The following RIMS2 variants were observed in gnomAD, a reference collection of about 807,000 sequenced individuals.
RIMS2 encodes regulating synaptic membrane exocytosis 2, also known as regulating synaptic membrane exocytosis protein 2.
In RIMS2, 59 loss-of-function variants were observed where a neutral mutation model predicts 174.4. The observed-to-expected ratio is 0.34, with a 90% CI of 0.27 to 0.42. The LOEUF is 0.42. Ranked by LOEUF, RIMS2 falls within the 10% of genes least tolerant of loss-of-function variation. RIMS2 has a pLI of 1.00. For missense variants in RIMS2, 1,620 were observed against 1,666.3 expected (o/e 0.97, Z 0.48); for synonymous variants, 606 against 572.5 (o/e 1.06, Z -0.84).
At chr8:103,931,501 T>C (rs2079927901) in intron 12 of RIMS2, 108 bp downstream of exon 14, 1 of 708,788 alleles carries the variant, frequency 1.4e-6, no homozygotes, top group South Asian at 2.4e-5. Context: ...TAGTGAGATA[T>C]GTGAAGTTTA....
chr8:103,891,352 G>A (rs1268017041), intron 4 of RIMS2, among the ~76,000 whole-genome samples: 1 of 152,018 alleles, frequency 6.6e-6, no homozygotes, highest in Non-Finnish European at 1.5e-5. Context: ...TGATGCTCGT[G>A]TTTCACGTTT....
At chr8:103,705,847 T>A (rs532010257) in intron 2 of RIMS2, among the ~76,000 whole-genome samples, 139 of 151,692 alleles carry the variant, frequency 9.2e-4, no homozygotes, top group African/African-American at 3.1e-3. Context: ...TTTTTTTTTT[T>A]AAATTCATTT....
chr8:103,776,961 TTACTA>T (rs367982566), intron 3 of RIMS2, among the ~76,000 whole-genome samples: 17 of 152,122 alleles, frequency 1.1e-4, no homozygotes, highest in African/African-American at 3.9e-4. Context: ...CAGAAGAACT[TTACTA>T]TATTAGTAAG....
chr8:103,916,302 G>T, intron 7 of RIMS2, 112 bp from the exon 11 acceptor site: 1 of 717,806 alleles, frequency 1.4e-6, no homozygotes, highest in Non-Finnish European at 2.3e-6. Flanking sequence ...GTTTCGTATT[G>T]TATAATGGTT....
chr8:104,068,517 A>G, intron 19 of RIMS2: 2 of 1,453,458 alleles, frequency 1.4e-6, no homozygotes, highest in Non-Finnish European at 9.4e-7. Flanking sequence ...GATAGGTACT[A>G]TGGATATAGA....
chr8:103,784,134 AT>A (rs1301856029), intron 3 of RIMS2, among the ~76,000 whole-genome samples: 2 of 147,634 alleles, frequency 1.4e-5, no homozygotes, highest in African/African-American at 5.0e-5. Flanking sequence ...TTTCTTGTAA[AT>A]TTGTTTGAGT....
intron 19 of RIMS2, among the ~76,000 whole-genome samples, chr8:104,132,370 A>G (rs970246600): frequency 3.3e-5 from 5 of 152,192 alleles, no homozygotes; most frequent in African/African-American, 1.2e-4. Flanking sequence ...AGAAAAATCA[A>G]TATCATATGT....
intron 19 of RIMS2, among the ~76,000 whole-genome samples, chr8:104,180,000 A>G (rs930268452): frequency 6.6e-6 from 1 of 151,792 alleles, no homozygotes; most frequent in Non-Finnish European, 1.5e-5. Flanking sequence ...TCACTTAAAA[A>G]TATAATTTAG....
intron 3 of RIMS2, among the ~76,000 whole-genome samples, chr8:103,848,332 T>C (rs913486860): frequency 2.0e-5 from 3 of 151,984 alleles, no homozygotes; most frequent in African/African-American, 7.2e-5. Flanking sequence ...AGCTTGGCCT[T>C]TTTCTTTTTT....
intron 19 of RIMS2, among the ~76,000 whole-genome samples, chr8:104,040,368 T>C (rs1267353083): frequency 6.6e-6 from 1 of 151,698 alleles, no homozygotes; most frequent in African/African-American, 2.4e-5. Flanking sequence ...TCAATCATAC[T>C]AGTACACTAA....
At chr8:103,964,375 G>C (rs757476469) in intron 15 of RIMS2, among the ~76,000 whole-genome samples, 1 of 152,120 alleles carries the variant, frequency 6.6e-6, no homozygotes, top group Non-Finnish European at 1.5e-5. Context: ...GTGTATAGTG[G>C]TATCTTGTTG....
intron 19 of RIMS2, chr8:104,148,767 C>T (rs376427500): frequency 6.4e-5 from 103 of 1,598,250 alleles, no homozygotes; most frequent in Non-Finnish European, 7.7e-5. Context: ...CAAAAAGCGG[C>T]GCTCTAGCCT....
intron 2 of RIMS2, among the ~76,000 whole-genome samples, chr8:103,727,688 G>A (rs538322543): frequency 6.6e-6 from 1 of 152,184 alleles, no homozygotes; most frequent in South Asian, 2.1e-4. Flanking sequence ...CATTTATTGA[G>A]GAGACTGACA....
At chr8:103,568,593 G>A in intron 1 of RIMS2, 1 of 536,502 alleles carries the variant, frequency 1.9e-6, no homozygotes. Context: ...CTTGTCTTCA[G>A]CTGTAACTGT....
chr8:103,658,389 C>A (rs2136010713), intron 1 of RIMS2, among the ~76,000 whole-genome samples: 1 of 152,132 alleles, frequency 6.6e-6, no homozygotes, highest in East Asian at 1.9e-4. Flanking sequence ...ACTAGGGATG[C>A]CAAAGCACAA....
intron 1 of RIMS2, among the ~76,000 whole-genome samples, chr8:103,618,276 T>C (rs912065619): frequency 6.6e-6 from 1 of 152,028 alleles, no homozygotes; most frequent in Non-Finnish European, 1.5e-5. Flanking sequence ...AAATTATAAC[T>C]TAATGAACAC....
intron 19 of RIMS2, among the ~76,000 whole-genome samples, chr8:104,190,421 G>A (rs779535992): frequency 3.3e-5 from 5 of 152,160 alleles, no homozygotes; most frequent in Non-Finnish European, 5.9e-5. Context: ...CTGGCTCTCC[G>A]TGACTTTCAT....
At chr8:103,621,874 C>T (rs941824111) in intron 1 of RIMS2, among the ~76,000 whole-genome samples, 8 of 152,266 alleles carry the variant, frequency 5.3e-5, no homozygotes, top group Admixed American at 4.6e-4. Context: ...GAAATTAATT[C>T]TCTATTGTTT....
chr8:103,701,560 A>T (rs1395397253), intron 2 of RIMS2, among the ~76,000 whole-genome samples: 2 of 152,116 alleles, frequency 1.3e-5, no homozygotes, highest in Admixed American at 1.3e-4. Context: ...CCCATTAACC[A>T]ACCACTCTTT....
Sources: allele counts gnomAD v4.1 joint callset (sites outside exome capture counted in the v4.1 genomes callset), GRCh38; gene constraint gnomAD v4.1.1; transcripts MANE v1.5; gene names NCBI Gene and HGNC (gene_info 2026-07-23, HGNC 2026-07-21).